UBASH3B: variants seen among roughly 807,000 people sequenced by gnomAD.
UBASH3B encodes the protein ubiquitin-associated and SH3 domain-containing protein B.
UBASH3B carries 37 observed loss-of-function variants against 83.4 expected under a neutral mutation model. The observed-to-expected ratio is 0.44, with a 90% CI of 0.34 to 0.58. The LOEUF (loss-of-function observed/expected upper bound fraction) is 0.58. Among genes scored for constraint, UBASH3B ranks in the 20% least tolerant of loss-of-function variants. The pLI is 0.01. For synonymous variants in UBASH3B, 304 were observed against 318.3 expected, an observed-to-expected ratio of 0.96 and a Z score of 0.48; for missense variants, 657 against 827.2, an observed-to-expected ratio of 0.79 and a Z score of 2.52.
chr11:122,754,485 C>A (rs1861252594), intron 1 of UBASH3B, among the ~76,000 whole-genome samples: 1 of 152,218 alleles, frequency 6.6e-6, no homozygotes, highest in Admixed American at 6.5e-5. Context: ...TGTCTGGTAT[C>A]TTCTAGCTGG....
rs750294292 is a variant in UBASH3B at position 122,809,879 on chromosome 11, A to G, written c.1943A>G (p.Gln648Arg). The G allele has an allele frequency of 4.3e-6, 7 of 1,614,088 alleles. 1 individual carries two copies. The South Asian group carries it at 7.7e-5, about 18-fold the overall frequency. The change falls in exon 14 of 14, where the codon CAA (glutamine) becomes CGA (arginine). Residue 648 changes from glutamine to arginine, a missense_variant. This residue lies in a region of UBASH3B where 573 missense variants were observed against 739.0 expected (regional missense o/e 0.78). Transcript: ENST00000284273. ...GGFNWRETLL[Q>R]E The stretch of plus-strand genomic sequence containing the variant: ...TTCAACTGGAGAGAGACCTTGCTTC[A>G]AGAATAAACCACACCAGTGAACAAG...
chr11:122,718,856 T>C (rs1459294933), intron 1 of UBASH3B, among the ~76,000 whole-genome samples: 2 of 151,978 alleles, frequency 1.3e-5, no homozygotes, highest in Non-Finnish European at 2.9e-5. Context: ...GGCAACATGG[T>C]GAAACACCGT....
chr11:122,699,109 C>G (rs547261439), intron 1 of UBASH3B, among the ~76,000 whole-genome samples: 1 of 152,184 alleles, frequency 6.6e-6, no homozygotes, highest in African/African-American at 2.4e-5. Flanking sequence ...CTTGGCCTCC[C>G]GAAGTGCTGG....
At chr11:122,720,503 C>T (rs970209283) in intron 1 of UBASH3B, among the ~76,000 whole-genome samples, 2 of 152,348 alleles carry the variant, frequency 1.3e-5, no homozygotes, top group South Asian at 2.1e-4. Flanking sequence ...CTCCACTGCT[C>T]AAAATGCCCC....
intron 3 of UBASH3B, among the ~76,000 whole-genome samples, chr11:122,779,004 G>C (rs528520664): frequency 6.6e-6 from 1 of 152,294 alleles, no homozygotes; most frequent in Non-Finnish European, 1.5e-5. Flanking sequence ...CAAGCTAATT[G>C]TACATGCATT....
chr11:122,707,915 G>T (rs1013038252), intron 1 of UBASH3B, among the ~76,000 whole-genome samples: 1 of 152,050 alleles, frequency 6.6e-6, no homozygotes, highest in Admixed American at 6.6e-5. Flanking sequence ...GGCTGGTCTC[G>T]AACTCCTGAC....
At chr11:122,733,937 G>A (rs1378648974) in intron 1 of UBASH3B, among the ~76,000 whole-genome samples, 2 of 152,022 alleles carry the variant, frequency 1.3e-5, no homozygotes, top group African/African-American at 2.4e-5. Flanking sequence ...CCAGGCTGGA[G>A]TGCAGTGGCA....
chr11:122,754,019 T>C (rs1861244696), intron 1 of UBASH3B, among the ~76,000 whole-genome samples: 1 of 152,186 alleles, frequency 6.6e-6, no homozygotes, highest in African/African-American at 2.4e-5. Flanking sequence ...CTCTCTGACA[T>C]GGTAGCCACT....
At chr11:122,779,744 T>G (rs1409979890) in intron 4 of UBASH3B, 49 bp downstream of exon 4, 8 of 1,606,226 alleles carry the variant, frequency 5.0e-6, no homozygotes, top group Non-Finnish European at 6.0e-6. Flanking sequence ...AATCAAAGAG[T>G]TGGAAAGGAA....
At chr11:122,705,489 C>T (rs570934849) in intron 1 of UBASH3B, among the ~76,000 whole-genome samples, 134 of 150,640 alleles carry the variant, frequency 8.9e-4, no homozygotes, top group African/African-American at 3.1e-3. Flanking sequence ...AGAAAAAAAT[C>T]TAAAATCCCT....
At chr11:122,663,978 G>C (rs989136619) in intron 1 of UBASH3B, among the ~76,000 whole-genome samples, 2 of 152,178 alleles carry the variant, frequency 1.3e-5, no homozygotes, top group African/African-American at 2.4e-5. Context: ...AAATGAGGTC[G>C]GTATTAGTGC....
rs1204753784 is a variant in UBASH3B at position 122,681,375 on chromosome 11, T to TCTA, written c.161+25165_161+25166insCTA. ...AGATTCCTCAGTCAAACAGGAACAG[T>TCTA]GCTCACAGAGGAAATGGAGTTTTGC... On this transcript the variant is annotated intron_variant, in intron 1 of 13. Transcript: ENST00000284273. 5.3e-5 allele frequency among the ~76,000 whole-genome samples: 8 copies of TCTA among 152,318 alleles called. No individual in the cohort carries two copies. The East Asian group carries it at 1.5e-3, about 29-fold the overall frequency.
Position 122,789,238 on chromosome 11 carries a change from G to T in UBASH3B, c.910G>T (p.Gly304Cys), listed in dbSNP as rs1044981494. ...GWIYGTSLTT[G>C]CSGLLPENYI... ...GATCTATGGCACGTCCTTAACCACCGGCTGCTCTGGACTCCTGCCTGAGAA... is the reference window on the plus strand; with the variant it reads ...GATCTATGGCACGTCCTTAACCACCTGCTGCTCTGGACTCCTGCCTGAGAA... Residue 304 changes from glycine to cysteine, a missense_variant, in exon 6 of 14, where the codon GGC becomes TGC. Physicochemically the swap from Gly to Cys is radical, Grantham distance 159. Transcript: ENST00000284273. 6.2e-7 allele frequency: 1 copy of T among 1,614,146 alleles called. No homozygotes were observed. Among genetic ancestry groups the T allele is most frequent in the Non-Finnish European group, 8.5e-7 (1 of 1,180,030 alleles).
intron 1 of UBASH3B, among the ~76,000 whole-genome samples, chr11:122,693,202 G>C (rs1863918325): frequency 6.6e-6 from 1 of 152,172 alleles, no homozygotes; most frequent in South Asian, 2.1e-4. Context: ...GATCAGTTAG[G>C]GTGGGGCAGA....
At chr11:122,712,777 A>G in intron 1 of UBASH3B, among the ~76,000 whole-genome samples, 1 of 151,670 alleles carries the variant, frequency 6.6e-6, no homozygotes, top group Non-Finnish European at 1.5e-5. Flanking sequence ...CAGCAGTTAC[A>G]TTTGCAGGAG....
chr11:122,710,169 AAAAG>A (rs1271803911), intron 1 of UBASH3B, among the ~76,000 whole-genome samples: 3 of 151,970 alleles, frequency 2.0e-5, no homozygotes, highest in African/African-American at 7.3e-5. Flanking sequence ...AAAAAAAAAA[AAAAG>A]CATTCTGAAT....
chr11:122,679,260 T>C (rs934632144), intron 1 of UBASH3B, among the ~76,000 whole-genome samples: 6 of 152,368 alleles, frequency 3.9e-5, no homozygotes, highest in Admixed American at 2.0e-4. Flanking sequence ...TGAGAAATCC[T>C]GGTGCACCAA....
chr11:122,774,340 G>T (rs60999716), intron 1 of UBASH3B: 383,617 of 977,978 alleles, frequency 0.39, 78,564 homozygotes, highest in Middle Eastern at 0.45. Flanking sequence ...TGGTATCTGT[G>T]CGCAGACTTT....
chr11:122,744,366 C>T (rs563559208), intron 1 of UBASH3B, among the ~76,000 whole-genome samples: 31 of 152,094 alleles, frequency 2.0e-4, no homozygotes, highest in Admixed American at 1.2e-3. Context: ...TGTGGGTGAG[C>T]GTGTGACTGT....
Sources: allele counts gnomAD v4.1 joint callset (sites outside exome capture counted in the v4.1 genomes callset), GRCh38; gene constraint gnomAD v4.1.1; regional missense constraint gnomAD v4.1.1; transcripts MANE v1.5; gene names NCBI Gene and HGNC (gene_info 2026-07-23, HGNC 2026-07-21).